The following NBEA variants were observed in gnomAD, a reference collection of about 807,000 sequenced individuals.
NBEA encodes neurobeachin.
NBEA carries 44 observed loss-of-function variants against 343.4 expected under a neutral mutation model. That is an observed-to-expected ratio of 0.13 (90% CI 0.10 to 0.16). NBEA has a LOEUF of 0.16. NBEA is among the 10% of genes least tolerant of loss of function. The probability of loss-of-function intolerance (pLI) is 1.00; values close to 1 mark genes in which losing one functional copy is unlikely to be tolerated. For synonymous variants in NBEA, 1,175 were observed against 1,238.7 expected, an observed-to-expected ratio of 0.95 and a Z score of 1.08; for missense variants, 2,555 against 3,631.3, an observed-to-expected ratio of 0.70 and a Z score of 7.62.
At chr13:35,439,940 T>G (rs762155630) in intron 39 of NBEA, among the ~76,000 whole-genome samples, 8 of 152,172 alleles carry the variant, frequency 5.3e-5, no homozygotes, top group Non-Finnish European at 1.0e-4. Flanking sequence ...AGTGCAATGG[T>G]GCGATCTTGG....
intron 38 of NBEA, among the ~76,000 whole-genome samples, chr13:35,400,451 C>CA (rs1202831459): frequency 6.6e-6 from 1 of 151,562 alleles, no homozygotes; most frequent in Non-Finnish European, 1.5e-5. Flanking sequence ...TTGAGAATCA[C>CA]AAAAAAGAAA....
chr13:35,552,139 T>G (rs577449514), intron 43 of NBEA, among the ~76,000 whole-genome samples: 262 of 152,318 alleles, frequency 1.7e-3, no homozygotes, highest in Middle Eastern at 6.8e-3. Context: ...TCCTTGAGAA[T>G]TATTACACAG....
chr13:35,137,857 G>A (rs1264430904), intron 17 of NBEA, among the ~76,000 whole-genome samples: 1 of 151,926 alleles, frequency 6.6e-6, no homozygotes, highest in Admixed American at 6.6e-5. Flanking sequence ...GAAAGAATGA[G>A]TATTAAGTAT....
chr13:35,548,370 T>C lies in NBEA; in HGVS notation c.6586-2107T>C, dbSNP rs536744799. Among the ~76,000 whole-genome samples the C allele has an allele frequency of 3.9e-5, 6 of 152,246 alleles. 1 individual carries two copies. The highest frequency in any genetic ancestry group is 1.4e-4 in the African/African-American group (6 of 41,548). Reference sequence around the variant, plus strand: ...TGATAACATGCTTAATGGAAATAAATGCTTGGTCAAATTTTCATTACACCA... The same window carrying C: ...TGATAACATGCTTAATGGAAATAAACGCTTGGTCAAATTTTCATTACACCA... On this transcript the variant is annotated intron_variant, in intron 41 of 58. Transcript: ENST00000379939.
At chr13:35,583,847 A>G in intron 45 of NBEA, 51 bp from the exon 46 acceptor site, 1 of 1,315,664 alleles carries the variant, frequency 7.6e-7, no homozygotes. Context: ...TTTATTATCT[A>G]GGATATCTAA....
At chr13:35,076,994 C>T (rs974972077) in intron 10 of NBEA, among the ~76,000 whole-genome samples, 1 of 151,900 alleles carries the variant, frequency 6.6e-6, no homozygotes, top group Non-Finnish European at 1.5e-5. Flanking sequence ...TCCTCAGAAA[C>T]CCAGAATACT....
At chr13:35,583,567 T>G (rs1350270843) in intron 45 of NBEA, among the ~76,000 whole-genome samples, 1 of 152,168 alleles carries the variant, frequency 6.6e-6, no homozygotes, top group East Asian at 1.9e-4. Context: ...AAATTTTCAT[T>G]ATGTAGCTTA....
At chr13:35,106,226 C>T (rs74051259) in intron 11 of NBEA, among the ~76,000 whole-genome samples, 3,514 of 151,900 alleles carry the variant, frequency 0.023, 57 homozygotes, top group South Asian at 0.075. Context: ...AGATTTATAA[C>T]TATAAATTAT....
In NBEA at chr13:35,326,430, C is replaced by T. The variant is rs529618132; in HGVS notation, c.5903+16838C>T. 1.6e-4 allele frequency among the ~76,000 whole-genome samples: 25 copies of T among 152,016 alleles called. No individual in the cohort carries two copies. In the South Asian group the frequency reaches 5.2e-3, roughly 31 times the overall value. On this transcript the variant is annotated intron_variant, in intron 36 of 58. Transcript: ENST00000379939. Reference sequence around the variant, plus strand: ...ATGGGATTGCATTTTTTATTTGGCTCAAAACTTGAATGTTATTGGTGTGTA... The same window carrying T: ...ATGGGATTGCATTTTTTATTTGGCTTAAAACTTGAATGTTATTGGTGTGTA...
At chr13:35,027,654 T>A (rs1051786780) in intron 1 of NBEA, among the ~76,000 whole-genome samples, 8 of 151,974 alleles carry the variant, frequency 5.3e-5, no homozygotes, top group Non-Finnish European at 1.0e-4. Flanking sequence ...TTTAACATGA[T>A]CTTTCTCAGA....
intron 38 of NBEA, among the ~76,000 whole-genome samples, chr13:35,388,847 T>C (rs955444404): frequency 1.7e-4 from 26 of 152,200 alleles, no homozygotes; most frequent in Non-Finnish European, 3.5e-4. Flanking sequence ...CTTTGTTTAT[T>C]TTCTCCTCAT....
intron 44 of NBEA, among the ~76,000 whole-genome samples, chr13:35,564,972 AAAAC>A (rs765660833): frequency 1.4e-4 from 22 of 152,362 alleles, no homozygotes; most frequent in South Asian, 2.1e-4. Flanking sequence ...CACAGAGATT[AAAAC>A]AAACAAACAA....
chr13:34,996,105 T>G (rs1593404840), intron 1 of NBEA, among the ~76,000 whole-genome samples: 1 of 152,180 alleles, frequency 6.6e-6, no homozygotes. Context: ...TAGGCCTATG[T>G]CCATTCCTAA....
intron 38 of NBEA, among the ~76,000 whole-genome samples, chr13:35,409,614 A>C (rs1319382743): frequency 6.6e-6 from 1 of 152,188 alleles, no homozygotes; most frequent in Non-Finnish European, 1.5e-5. Flanking sequence ...TGTAACTAAT[A>C]ATAAGTTATC....
At chr13:35,652,510 G>A (rs1379463382) in intron 53 of NBEA, among the ~76,000 whole-genome samples, 7 of 149,858 alleles carry the variant, frequency 4.7e-5, no homozygotes, top group Admixed American at 1.3e-4. Context: ...GCGCGGTGGC[G>A]GGCACCTGTA....
intron 11 of NBEA, among the ~76,000 whole-genome samples, chr13:35,107,724 AG>A (rs1355073415): frequency 6.6e-6 from 1 of 151,980 alleles, no homozygotes; most frequent in Non-Finnish European, 1.5e-5. Flanking sequence ...ACTAATAGTG[AG>A]TAATCAACAT....
intron 1 of NBEA, among the ~76,000 whole-genome samples, chr13:34,954,935 G>A (rs1451985272): frequency 6.6e-6 from 1 of 152,148 alleles, no homozygotes; most frequent in Non-Finnish European, 1.5e-5. Flanking sequence ...AGGGTCCACT[G>A]TAAATACATG....
chr13:35,038,829 TAGG>T (rs2062544608), intron 1 of NBEA, among the ~76,000 whole-genome samples: 1 of 152,112 alleles, frequency 6.6e-6, no homozygotes, highest in Non-Finnish European at 1.5e-5. Flanking sequence ...AGTCTGGGGT[TAGG>T]GGAGGGGTGA....
At chr13:35,261,506 A>T (rs753369349) in intron 34 of NBEA, among the ~76,000 whole-genome samples, 4 of 152,066 alleles carry the variant, frequency 2.6e-5, no homozygotes. Context: ...GCGAGACTCC[A>T]TCTCAAAATA....
Sources: allele counts gnomAD v4.1 joint callset (sites outside exome capture counted in the v4.1 genomes callset), GRCh38; gene constraint gnomAD v4.1.1; transcripts MANE v1.5; gene names NCBI Gene and HGNC (gene_info 2026-07-23, HGNC 2026-07-21).